Variants in MYCBP observed in about 807,000 individuals in gnomAD.
MYCBP encodes C-Myc-binding protein.
In MYCBP, 5 loss-of-function variants were observed where a neutral mutation model predicts 16.8. That is an observed-to-expected ratio of 0.30 (90% confidence interval 0.16 to 0.63). MYCBP has a LOEUF of 0.63. MYCBP is among the 20% of genes least tolerant of loss of function. The pLI is 0.83. For synonymous variants in MYCBP, 35 were observed against 43.7 expected, an observed-to-expected ratio of 0.80 and a Z score of 0.79; for missense variants, 103 against 121.8, an observed-to-expected ratio of 0.85 and a Z score of 0.73.
At chr1:38,870,514 C>A (rs567621953) in intron 2 of MYCBP, among the ~76,000 whole-genome samples, 1 of 152,008 alleles carries the variant, frequency 6.6e-6, no homozygotes, top group Non-Finnish European at 1.5e-5. Flanking sequence ...CAAATAGAGG[C>A]CGGGCGCGGT....
chr1:38,869,470 C>T (rs1424267983), intron 2 of MYCBP, among the ~76,000 whole-genome samples: 1 of 152,128 alleles, frequency 6.6e-6, no homozygotes, highest in African/African-American at 2.4e-5. Context: ...TTCAGCTTCT[C>T]ATTTGTCACT....
chr1:38,870,218 G>A (rs986629752), intron 2 of MYCBP, among the ~76,000 whole-genome samples: 5 of 151,238 alleles, frequency 3.3e-5, no homozygotes, highest in South Asian at 2.1e-4. Flanking sequence ...ATGGTGGTGC[G>A]TGCCTGTAGT....
At chr1:38,870,165 G>A (rs1335472728) in intron 2 of MYCBP, among the ~76,000 whole-genome samples, 38 of 99,280 alleles carry the variant, frequency 3.8e-4, no homozygotes, top group Admixed American at 2.0e-3. Context: ...GCAAGACTCC[G>A]TCTCAAAAAA....
At chr1:38,864,842 ACTAT>A in intron 4 of MYCBP, 128 bp from the exon 5 acceptor site, 1 of 800,274 alleles carries the variant, frequency 1.2e-6, no homozygotes. Context: ...AGTTTCTATA[ACTAT>A]CCATTTTAAA....
intron 4 of MYCBP, among the ~76,000 whole-genome samples, chr1:38,866,413 CTTT>C (rs763154379): frequency 5.8e-5 from 8 of 137,020 alleles, no homozygotes; most frequent in Admixed American, 7.4e-5. Context: ...TTGCGGTTTT[CTTT>C]TTTTTTTTTT....
Position 38,862,587 on chromosome 1 carries a change from A to G in MYCBP, c.*2083T>C, listed in dbSNP as rs1428781127. ...ATTTTATAGACAAAGCAGCTGAAGCATAATAGGAGCTTAACTGGTGGGATC... is the reference window on the plus strand; with the variant it reads ...ATTTTATAGACAAAGCAGCTGAAGCGTAATAGGAGCTTAACTGGTGGGATC... On this transcript the variant is annotated 3_prime_UTR_variant, in exon 5 of 5. Coordinates refer to ENST00000397572, the MANE Select transcript of MYCBP (RefSeq NM_012333.5). Among the ~76,000 whole-genome samples, 2 of 152,254 alleles carry G rather than the reference A, an allele frequency of 1.3e-5. No homozygotes were observed.
chr1:38,871,043 C>T (rs945569190), intron 2 of MYCBP, among the ~76,000 whole-genome samples: 4 of 152,002 alleles, frequency 2.6e-5, no homozygotes, highest in African/African-American at 4.8e-5. Flanking sequence ...AGTTCAAGAC[C>T]AGCCTGGCCC....
chr1:38,870,813 A>AC (rs1327826541), intron 2 of MYCBP, among the ~76,000 whole-genome samples: 1 of 143,850 alleles, frequency 7.0e-6, no homozygotes, highest in Non-Finnish European at 1.5e-5. Flanking sequence ...AAAAAAAAAA[A>AC]AAAAAAAAAA....
At chr1:38,868,261 C>A (rs976570026) in intron 2 of MYCBP, among the ~76,000 whole-genome samples, 8 of 152,088 alleles carry the variant, frequency 5.3e-5, no homozygotes, top group Non-Finnish European at 1.0e-4. Context: ...AGTGAGAGAA[C>A]AGTGAGAAGA....
At chr1:38,865,642 A>C (rs1382423391) in intron 4 of MYCBP, among the ~76,000 whole-genome samples, 1 of 151,982 alleles carries the variant, frequency 6.6e-6, no homozygotes, top group Non-Finnish European at 1.5e-5. Flanking sequence ...TTTCTACAAA[A>C]AGTTTAAAAA....
In MYCBP at chr1:38,872,847, G is replaced by A. The variant is rs961749322; in HGVS notation, c.88+171C>T. ...GTAGCGGAGCTAGGCTACCCCACCC[G>A]GGCGGCGTCCAGCAGCCAGGTCCCT... is the stretch of plus-strand genomic sequence containing the variant. On this transcript the variant is annotated intron_variant, in intron 2 of 4. Coordinates refer to ENST00000397572, the MANE Select transcript of MYCBP (RefSeq NM_012333.5). 2.6e-5 allele frequency among the ~76,000 whole-genome samples: 4 copies of A among 152,230 alleles called. No individual in the cohort carries two copies. In the East Asian group the frequency reaches 7.7e-4, roughly 29 times the overall value.
chr1:38,873,229 CCA>C (rs968531183), intron 1 of MYCBP, 60 bp downstream of exon 1: 2 of 1,587,198 alleles, frequency 1.3e-6, no homozygotes, highest in African/African-American at 2.7e-5. Flanking sequence ...CCACTCCCAC[CCA>C]GAGCCGACCA....
At position 38,868,102 on chromosome 1, in the gene MYCBP, A is replaced by G. The variant is rs568156416; in HGVS notation, c.89-492T>C. On this transcript the variant is annotated intron_variant, in intron 2 of 4. Transcript: ENST00000397572. ...GCAAATTTGGTTGGCACATAATTAA[A>G]CAGTTTAAAGGAAGGGAGTGACAGG... 3.9e-5 allele frequency among the ~76,000 whole-genome samples: 6 copies of G among 152,350 alleles called. No homozygotes were observed. The South Asian group carries it at 1.2e-3, about 32-fold the overall frequency.
intron 2 of MYCBP, among the ~76,000 whole-genome samples, chr1:38,870,635 T>C (rs1570888608): frequency 6.9e-6 from 1 of 145,198 alleles, no homozygotes; most frequent in South Asian, 2.2e-4. Context: ...CTACTAAAAA[T>C]ACAAAAAATT....
chr1:38,862,672 A>T lies in MYCBP; in HGVS notation c.*1998T>A, dbSNP rs1398183635. ...TTGTATTCATCCAAATCCTTGACAG[A>T]AATGTTGAAGAGGACCTCTAGAGGC... On this transcript the variant is annotated 3_prime_UTR_variant, in exon 5 of 5. Transcript: ENST00000397572. 6.6e-6 allele frequency among the ~76,000 whole-genome samples: 1 copy of T among 152,194 alleles called. No homozygotes were observed. Among genetic ancestry groups the T allele is most frequent in the African/African-American group, 2.4e-5 (1 of 41,452 alleles).
intron 1 of MYCBP, 39 bp from the exon 2 acceptor site, chr1:38,873,129 G>A (rs1167499183): frequency 5.1e-6 from 8 of 1,553,514 alleles, no homozygotes; most frequent in East Asian, 2.4e-5. Context: ...GAGCCCGGGA[G>A]CCGAGCAGGA....
intron 2 of MYCBP, among the ~76,000 whole-genome samples, chr1:38,870,169 CAAAAA>C (rs1221257996): frequency 1.3e-5 from 1 of 77,210 alleles, no homozygotes; most frequent in Non-Finnish European, 2.3e-5. Flanking sequence ...GACTCCGTCT[CAAAAA>C]AAAAAAAAAA....
At chr1:38,867,729 C>T (rs1468126330) in intron 2 of MYCBP, 119 bp from the exon 3 acceptor site, 2 of 811,376 alleles carry the variant, frequency 2.5e-6, no homozygotes, top group African/African-American at 3.5e-5. Context: ...ATTGCAAAGA[C>T]TATACAATGC....
chr1:38,870,329 A>G (rs1417071406), intron 2 of MYCBP, among the ~76,000 whole-genome samples: 1 of 152,064 alleles, frequency 6.6e-6, no homozygotes, highest in Non-Finnish European at 1.5e-5. Context: ...TCTGGGCGAC[A>G]GAGACCTTGT....
Sources: gnomAD v4.1 joint callset for allele counts (sites outside exome capture counted in the v4.1 genomes callset) on GRCh38, gnomAD v4.1.1 for gene constraint, MANE v1.5 for transcripts, NCBI Gene and HGNC (gene_info 2026-07-23, HGNC 2026-07-21) for gene names.